Variants in CHID1 observed in about 807,000 individuals in gnomAD.
CHID1 encodes the protein chitinase domain-containing protein 1.
In CHID1, 44 loss-of-function variants were observed where a neutral mutation model predicts 55.4. The ratio of observed to expected loss-of-function variants is 0.79; its 90% CI spans 0.62 to 1.02. The LOEUF (loss-of-function observed/expected upper bound fraction) is 1.02. Ranked by LOEUF, CHID1 falls within the 50% of genes least tolerant of loss-of-function variation. The probability of loss-of-function intolerance (pLI) is 0.00; values close to 1 mark genes in which losing one functional copy is unlikely to be tolerated. For synonymous variants in CHID1, 216 were observed against 212.9 expected (o/e 1.01, Z -0.13); for missense variants, 491 against 515.3 (o/e 0.95, Z 0.46).
Position 902,339 on chromosome 11 carries a change from A to T in CHID1, c.262-9T>A. 6.2e-7 allele frequency: 1 copy of T among 1,607,870 alleles called. No individual in the cohort carries two copies. The highest frequency in any genetic ancestry group is 8.5e-7 in the Non-Finnish European group (1 of 1,174,738). ...TAGCCATGGCTGTTCCACTGGCAAA[A>T]GATGGAGACATCAGACGGAGGACAG... On this transcript the variant is annotated splice_polypyrimidine_tract_variant and intron_variant, in intron 3 of 12. Transcript: ENST00000323578.
intron 8 of CHID1, among the ~76,000 whole-genome samples, chr11:888,394 C>T (rs1018069546): frequency 1.3e-5 from 2 of 152,226 alleles, no homozygotes; most frequent in African/African-American, 4.8e-5. Flanking sequence ...GCAAGAAACA[C>T]TGCAAAAGGG....
chr11:883,447 C>T, intron 9 of CHID1, 144 bp from the exon 10 acceptor site: 1 of 869,012 alleles, frequency 1.2e-6, no homozygotes. Context: ...AGTCACCCAT[C>T]AGAAAGGGCT....
intron 7 of CHID1, among the ~76,000 whole-genome samples, chr11:894,392 C>T (rs1361702744): frequency 6.6e-6 from 1 of 152,128 alleles, no homozygotes; most frequent in African/African-American, 2.4e-5. Flanking sequence ...AGCCTCCCTC[C>T]TAGCACGGCC....
intron 10 of CHID1, among the ~76,000 whole-genome samples, chr11:877,112 C>T (rs910807220): frequency 9.2e-5 from 14 of 152,180 alleles, no homozygotes; most frequent in Admixed American, 7.8e-4. Context: ...ACTGGGTGCA[C>T]ACAGACCCCA....
At chr11:883,014 C>T (rs1011567423) in intron 10 of CHID1, 134 bp downstream of exon 10, 1 of 1,017,980 alleles carries the variant, frequency 9.8e-7, no homozygotes, top group East Asian at 2.4e-5. Flanking sequence ...GCTCCTGGCC[C>T]AGCCCCTATC....
intron 8 of CHID1, among the ~76,000 whole-genome samples, chr11:888,088 C>G (rs1023770003): frequency 6.6e-6 from 1 of 152,270 alleles, no homozygotes; most frequent in Non-Finnish European, 1.5e-5. Context: ...ATGTGACATG[C>G]CTGTGGCACA....
At chr11:909,555 G>GT (rs1195065966) in intron 1 of CHID1, among the ~76,000 whole-genome samples, 11 of 152,272 alleles carry the variant, frequency 7.2e-5, no homozygotes, top group Non-Finnish European at 1.5e-5. Context: ...GAGACCAGCA[G>GT]TAAGAAATGC....
intron 8 of CHID1, among the ~76,000 whole-genome samples, chr11:891,380 C>T (rs1426352335): frequency 6.6e-6 from 1 of 152,228 alleles, no homozygotes; most frequent in African/African-American, 2.4e-5. Flanking sequence ...CAACCCCCAC[C>T]AGCGCCATGC....
chr11:869,432 G>C lies in CHID1; in HGVS notation c.*426C>G. ...CTCAGCTCTATCACTGCCAGGCCCT[G>C]GGGTGATGCTGGGCAGAGCTGTCCC... On this transcript the variant is annotated 3_prime_UTR_variant, in exon 13 of 13. Transcript: ENST00000323578. 4.6e-6 allele frequency: 1 copy of C among 217,664 alleles called. No individual in the cohort carries two copies. The highest frequency in any genetic ancestry group is 9.2e-6 in the Non-Finnish European group (1 of 108,382). The allele number at this position is 217,664 out of a possible 1,614,324, so 13.5% of individuals were successfully genotyped here.
intron 1 of CHID1, 96 bp downstream of exon 1, chr11:910,678 CG>C: frequency 2.4e-6 from 3 of 1,266,990 alleles, no homozygotes; most frequent in East Asian, 7.0e-5. Flanking sequence ...CCCGTCCTCC[CG>C]GGGCCGAGCC....
intron 8 of CHID1, among the ~76,000 whole-genome samples, chr11:892,726 C>T (rs1174978114): frequency 6.6e-6 from 1 of 152,244 alleles, no homozygotes; most frequent in Non-Finnish European, 1.5e-5. Context: ...TTGCAGCCCA[C>T]ACTGATCAGC....
chr11:890,780 C>T lies in CHID1; in HGVS notation c.701+2647G>A, dbSNP rs7481711. ...TGACTGTGGGAGCAGGGCTGGAGGT[C>T]CGCAGAGTGCTCAGTTCCAGGACCA... On this transcript the variant is annotated intron_variant, in intron 8 of 12. Coordinates refer to ENST00000323578, the MANE Select transcript of CHID1 (RefSeq NM_023947.4). Among the ~76,000 whole-genome samples, 230 of 152,298 alleles carry T rather than the reference C, an allele frequency of 1.5e-3. 1 individual carries two copies. The highest frequency in any genetic ancestry group is 3.0e-3 in the Non-Finnish European group (207 of 68,020).
At chr11:886,808 C>T (rs1183665703) in intron 8 of CHID1, among the ~76,000 whole-genome samples, 2 of 152,216 alleles carry the variant, frequency 1.3e-5, no homozygotes, top group African/African-American at 4.8e-5. Context: ...CAGGTCCTGG[C>T]GGCAGATGCC....
At chr11:890,075 G>A (rs546510815) in intron 8 of CHID1, among the ~76,000 whole-genome samples, 3 of 148,018 alleles carry the variant, frequency 2.0e-5, no homozygotes, top group Admixed American at 6.7e-5. Context: ...TGCTGCTGGC[G>A]TCCTCGCCCC....
chr11:900,009 C>T lies in CHID1; in HGVS notation c.541G>A (p.Ala181Thr). The change falls in exon 6 of 13, where the codon GCA becomes ACA. Residue 181 changes from alanine to threonine, a missense_variant. Physicochemically the swap from Ala to Thr is moderately conservative, Grantham distance 58. Coordinates refer to ENST00000323578, the MANE Select transcript of CHID1 (RefSeq NM_023947.4). The stretch of plus-strand genomic sequence containing the variant: ...GAGCAGCACACAGGTCTCACCTTTG[C>T]CACCTGGACCACGGTCTTGCTCAGC... ...EELSKTVVQV[A>T]KNQHFDGFVV... is the part of the protein sequence containing the mutation. 1.2e-6 allele frequency: 2 copies of T among 1,612,120 alleles called. No individual in the cohort carries two copies. Among genetic ancestry groups the T allele is most frequent in the Non-Finnish European group, 8.5e-7 (1 of 1,178,274 alleles).
chr11:889,409 C>T (rs116814669), intron 8 of CHID1, among the ~76,000 whole-genome samples: 1,526 of 152,252 alleles, frequency 0.01, 27 homozygotes, highest in African/African-American at 0.034. Context: ...GCAAAAGGAA[C>T]GTCGGCTCCA....
chr11:898,292 C>T (rs1336866265), intron 7 of CHID1, among the ~76,000 whole-genome samples: 2 of 152,142 alleles, frequency 1.3e-5, no homozygotes, highest in African/African-American at 4.8e-5. Context: ...CTGCAGGGGA[C>T]ACCATGCAGC....
In CHID1 at chr11:884,117, C is replaced by T. The variant is rs376597827; in HGVS notation, c.754G>A (p.Val252Met). The T allele has an allele frequency of 1.9e-5, 31 of 1,614,126 alleles. No homozygotes were observed. The highest frequency in any genetic ancestry group is 1.7e-4 in the Middle Eastern group (1 of 6,060). Residue 252 changes from valine to methionine, a missense_variant, in exon 9 of 13, where the codon GTG becomes ATG. Val to Met is a conservative substitution (Grantham distance 21). Coordinates refer to ENST00000323578, the MANE Select transcript of CHID1 (RefSeq NM_023947.4). ...THKEFEQLAP[V>M]LDGFSLMTYD... Reference sequence around the variant, plus strand: ...GTCATGAGGCTGAAACCATCCAGCACGGGGGCCAGCTGCTCAAACTCCTTG... The same window carrying T: ...GTCATGAGGCTGAAACCATCCAGCATGGGGGCCAGCTGCTCAAACTCCTTG...
At chr11:914,207 T>C (rs1852834653), upstream of CHID1, 1 of 161,548 alleles carries the variant, frequency 6.2e-6, no homozygotes, top group Non-Finnish European at 1.4e-5. Context: ...TTTTAATAAA[T>C]CAAATCCTAA....
Sources: gnomAD v4.1 joint callset for allele counts (sites outside exome capture counted in the v4.1 genomes callset) on GRCh38, gnomAD v4.1.1 for gene constraint, MANE v1.5 for transcripts, NCBI Gene and HGNC (gene_info 2026-07-23, HGNC 2026-07-21) for gene names.